Variants in BCAS3 observed in about 807,000 individuals in gnomAD.
The protein encoded by BCAS3 is BCAS3 microtubule associated cell migration factor.
Under a neutral mutation model 116.1 loss-of-function variants are expected in BCAS3, and 53 were observed. That is an observed-to-expected ratio of 0.46 (90% CI 0.37 to 0.57). The LOEUF (loss-of-function observed/expected upper bound fraction) is 0.57, where lower values mean the gene tolerates loss of function less well. Ranked by LOEUF, BCAS3 falls within the 20% of genes least tolerant of loss-of-function variation. The probability of loss-of-function intolerance (pLI) is 0.00; values close to 1 mark genes in which losing one functional copy is unlikely to be tolerated. For synonymous variants in BCAS3, 391 were observed against 408.2 expected, an observed-to-expected ratio of 0.96 and a Z score of 0.51; for missense variants, 917 against 1,165.4, an observed-to-expected ratio of 0.79 and a Z score of 3.10.
intron 22 of BCAS3, among the ~76,000 whole-genome samples, chr17:61,158,513 G>A (rs562793361): frequency 1.3e-5 from 2 of 152,168 alleles, no homozygotes; most frequent in East Asian, 3.9e-4. Context: ...ATAATTGTTG[G>A]GAATTTTGGT....
chr17:61,265,698 T>C lies in BCAS3; in HGVS notation c.2426-102629T>C, dbSNP rs201059369. Among the ~76,000 whole-genome samples, 2,168 of 151,794 alleles carry C rather than the reference T, an allele frequency of 0.014. 29 individuals are homozygous for C. Among genetic ancestry groups the C allele is most frequent in the African/African-American group, 0.035 (1,433 of 41,354 alleles). On this transcript the variant is annotated intron_variant, in intron 22 of 23. Coordinates refer to ENST00000407086, the MANE Select transcript of BCAS3 (RefSeq NM_017679.5). The surrounding 1 kb of genome is among the most constrained non-coding windows in gnomAD (Gnocchi z 4.3). ...ACTATGTAACACCATCATTCTTTTTTCCCCCCCATCAAGTAGTATATCTGC... is the reference window on the plus strand; with the variant it reads ...ACTATGTAACACCATCATTCTTTTTCCCCCCCCATCAAGTAGTATATCTGC...
chr17:61,044,286 A>G (rs549007611), intron 19 of BCAS3, among the ~76,000 whole-genome samples: 17 of 151,602 alleles, frequency 1.1e-4, no homozygotes, highest in African/African-American at 3.4e-4. Context: ...TCTCTACTAA[A>G]AATACAAAAA....
At chr17:60,799,700 TTTC>T (rs2047566527) in intron 6 of BCAS3, among the ~76,000 whole-genome samples, 1 of 123,596 alleles carries the variant, frequency 8.1e-6, no homozygotes, top group Non-Finnish European at 1.6e-5. Context: ...GGCTAATTTT[TTTC>T]TTTTCTTTTT....
chr17:61,338,844 C>T (rs2890024), intron 22 of BCAS3, among the ~76,000 whole-genome samples: 1 of 125,408 alleles, frequency 8.0e-6, no homozygotes, highest in East Asian at 2.6e-4. Flanking sequence ...AAGGCAAATT[C>T]TTATCAGTCC....
intron 22 of BCAS3, among the ~76,000 whole-genome samples, chr17:61,175,119 G>A (rs142525891): frequency 5.9e-5 from 9 of 152,220 alleles, no homozygotes; most frequent in Admixed American, 2.0e-4. Flanking sequence ...AAAGTCCTGG[G>A]GTTAGGTCAG....
At chr17:60,798,120 T>G (rs561800497) in intron 6 of BCAS3, among the ~76,000 whole-genome samples, 32 of 152,338 alleles carry the variant, frequency 2.1e-4, no homozygotes, top group African/African-American at 7.2e-4. Flanking sequence ...CCACTTTTTG[T>G]ATCATAGTGG....
intron 9 of BCAS3, among the ~76,000 whole-genome samples, chr17:60,876,983 T>G (rs2055670576): frequency 1.3e-5 from 2 of 152,104 alleles, no homozygotes; most frequent in African/African-American, 4.8e-5. Context: ...TATGTTCGGT[T>G]TCAAAGCACA....
intron 6 of BCAS3, among the ~76,000 whole-genome samples, chr17:60,799,524 GTTTTTTTTTTTTT>G (rs869112996): frequency 9.8e-6 from 1 of 102,382 alleles, no homozygotes; most frequent in Non-Finnish European, 2.0e-5. Flanking sequence ...ATTAGTGTTT[GTTTTTTTTTTTTT>G]TTTTTTTTGG....
At chr17:61,385,135 C>T (rs765781820) in intron 23 of BCAS3, among the ~76,000 whole-genome samples, 3 of 152,214 alleles carry the variant, frequency 2.0e-5, no homozygotes, top group Non-Finnish European at 2.9e-5. Context: ...AACAGGCCCC[C>T]GCCTCCTCAG....
At chr17:61,112,816 A>C (rs760170448) in intron 22 of BCAS3, among the ~76,000 whole-genome samples, 21,762 of 151,626 alleles carry the variant, frequency 0.14, 2,064 homozygotes, top group Non-Finnish European at 0.21. Context: ...ACCTATTCCA[A>C]AATTGACCAC....
In BCAS3 at chr17:60,967,192, G is replaced by C. The variant is rs1025631274; in HGVS notation, c.1221+19840G>C. ...AGCACATCAGAGTTTTCTTGGTTCA[G>C]ATTGAATTATTCTCGTTAGCATTTC... On this transcript the variant is annotated intron_variant, in intron 14 of 23. Coordinates refer to ENST00000407086, the MANE Select transcript of BCAS3 (RefSeq NM_017679.5). The surrounding 1 kb of genome is among the most constrained non-coding windows in gnomAD (Gnocchi z 4.7). Among the ~76,000 whole-genome samples, 1 of 152,130 alleles carries C rather than the reference G, an allele frequency of 6.6e-6. No homozygotes were observed. The highest frequency in any genetic ancestry group is 2.4e-5 in the African/African-American group (1 of 41,432).
At chr17:60,765,129 C>T (rs1035285769) in intron 6 of BCAS3, among the ~76,000 whole-genome samples, 2 of 152,120 alleles carry the variant, frequency 1.3e-5, no homozygotes, top group African/African-American at 2.4e-5. Flanking sequence ...ACTGATAGGT[C>T]TTGACTCTCT....
Position 61,174,896 on chromosome 17 carries a change from A to G in BCAS3, c.2425+90332A>G, listed in dbSNP as rs772770477. 2.0e-5 allele frequency among the ~76,000 whole-genome samples: 3 copies of G among 152,204 alleles called. No individual in the cohort carries two copies. The South Asian group carries it at 6.2e-4, about 31-fold the overall frequency. On this transcript the variant is annotated intron_variant, in intron 22 of 23. Coordinates refer to ENST00000407086, the MANE Select transcript of BCAS3 (RefSeq NM_017679.5). ...CCAATTGATGAATTCTGGTAGCTCA[A>G]TTAAGATAGAATCAGGCCTCAGTGG...
At chr17:60,782,740 C>T (rs1165907387) in intron 6 of BCAS3, among the ~76,000 whole-genome samples, 3 of 151,850 alleles carry the variant, frequency 2.0e-5, no homozygotes, top group Non-Finnish European at 4.4e-5. Context: ...TACGCACCAC[C>T]GCACACAGCT....
rs560635139 is a variant in BCAS3 at position 61,083,284 on chromosome 17, C to T, written c.2328-1183C>T. ...ACTATTTATGTCATTCATATTTACA[C>T]TTTAGTTTTATTTTGCATTGTCATG... On this transcript the variant is annotated intron_variant, in intron 21 of 23. Transcript: ENST00000407086. The surrounding 1 kb of genome is among the most constrained non-coding windows in gnomAD (Gnocchi z 4.9). Among the ~76,000 whole-genome samples, 2 of 152,254 alleles carry T rather than the reference C, an allele frequency of 1.3e-5. No individual in the cohort carries two copies. The highest frequency in any genetic ancestry group is 1.3e-4 in the Admixed American group (2 of 15,294).
At chr17:60,798,068 G>A (rs949609495) in intron 6 of BCAS3, among the ~76,000 whole-genome samples, 6 of 152,120 alleles carry the variant, frequency 3.9e-5, no homozygotes, top group African/African-American at 7.2e-5. Flanking sequence ...CAGAGTTTCT[G>A]TATACCCCTG....
At chr17:60,766,018 C>T (rs1197478892) in intron 6 of BCAS3, among the ~76,000 whole-genome samples, 1 of 152,126 alleles carries the variant, frequency 6.6e-6, no homozygotes, top group African/African-American at 2.4e-5. Flanking sequence ...GTTCTCGTGC[C>T]ATGGTTTTCA....
intron 13 of BCAS3, among the ~76,000 whole-genome samples, chr17:60,936,300 A>G (rs1356204567): frequency 6.8e-6 from 1 of 147,998 alleles, no homozygotes; most frequent in East Asian, 1.9e-4. Flanking sequence ...GCTATTGTGA[A>G]TAGTGCCATA....
chr17:60,890,178 G>T (rs1342844300), intron 10 of BCAS3, among the ~76,000 whole-genome samples: 1 of 152,216 alleles, frequency 6.6e-6, no homozygotes, highest in Non-Finnish European at 1.5e-5. Context: ...ACAAGGCTAG[G>T]CGTGATGGCT....
Sources: allele counts gnomAD v4.1 joint callset (sites outside exome capture counted in the v4.1 genomes callset), GRCh38; gene constraint gnomAD v4.1.1; non-coding constraint Gnocchi (gnomAD v3.1); transcripts MANE v1.5; gene names NCBI Gene and HGNC (gene_info 2026-07-23, HGNC 2026-07-21).